Variants in HSPA12A observed in about 807,000 individuals in gnomAD.
The protein encoded by HSPA12A is heat shock 70 kDa protein 12A.
Under a neutral mutation model 69.2 loss-of-function variants are expected in HSPA12A, and 28 were observed. That is an observed-to-expected ratio of 0.40 (90% CI 0.30 to 0.55). HSPA12A has a LOEUF of 0.55. Among genes scored for constraint, HSPA12A ranks in the 20% least tolerant of loss-of-function variants. The pLI is 0.38. For missense variants in HSPA12A, 686 were observed against 900.7 expected, an observed-to-expected ratio of 0.76 and a Z score of 3.05; for synonymous variants, 345 against 370.5, an observed-to-expected ratio of 0.93 and a Z score of 0.79.
intron 5 of HSPA12A, among the ~76,000 whole-genome samples, chr10:116,694,031 T>C (rs1564781737): frequency 1.3e-5 from 2 of 152,182 alleles, no homozygotes; most frequent in Non-Finnish European, 2.9e-5. Context: ...TGGCACCCAT[T>C]ACCAGGCAGG....
At chr10:116,834,612 C>T (rs7919855) in intron 2 of HSPA12A, among the ~76,000 whole-genome samples, 9,834 of 152,208 alleles carry the variant, frequency 0.065, 1,052 homozygotes, top group African/African-American at 0.22. Context: ...TAAGACAGCA[C>T]GAGGCCGGTA....
intron 2 of HSPA12A, among the ~76,000 whole-genome samples, chr10:116,757,043 G>C (rs1206320045): frequency 1.3e-5 from 2 of 152,120 alleles, no homozygotes; most frequent in Non-Finnish European, 2.9e-5. Flanking sequence ...CACGTTAAAG[G>C]CTAGGAAATG....
intron 1 of HSPA12A, among the ~76,000 whole-genome samples, chr10:116,741,586 G>A (rs1285400164): frequency 6.6e-6 from 1 of 152,194 alleles, no homozygotes; most frequent in Non-Finnish European, 1.5e-5. Context: ...CTGGCCAGCC[G>A]GGCCCTCCGT....
chr10:116,745,908 T>C (rs1554887771), upstream of HSPA12A, among the ~76,000 whole-genome samples: 1 of 152,138 alleles, frequency 6.6e-6, no homozygotes, highest in Non-Finnish European at 1.5e-5. Flanking sequence ...GAAAGGTCAC[T>C]GAGCTCAGAA....
At chr10:116,821,439 C>G (rs1845407506) in intron 2 of HSPA12A, among the ~76,000 whole-genome samples, 1 of 152,184 alleles carries the variant, frequency 6.6e-6, no homozygotes, top group African/African-American at 2.4e-5. Flanking sequence ...TCTCAGGAGG[C>G]CTCCCCAGAA....
chr10:116,671,547 T>G lies in HSPA12A; in HGVS notation c.*3234A>C, dbSNP rs1269135327. ...TGCGATTCTTTGCTACCCTGGCAAT[T>G]AACCAGACCTGGACTCTAAAAGCTA... On this transcript the variant is annotated 3_prime_UTR_variant, in exon 12 of 12. Coordinates refer to ENST00000369209, the MANE Select transcript of HSPA12A (RefSeq NM_025015.3). The G allele has an allele frequency of 2.0e-5, 3 of 152,574 alleles. No homozygotes were observed. The highest frequency in any genetic ancestry group is 7.2e-5 in the African/African-American group (3 of 41,438). The allele number at this position is 152,574 out of a possible 1,614,324, so 9.5% of individuals were successfully genotyped here.
At chr10:116,832,933 T>G (rs1162066923) in intron 2 of HSPA12A, 1 of 152,138 alleles carries the variant, frequency 6.6e-6, no homozygotes, top group Admixed American at 6.5e-5. Context: ...CACTGTTCCA[T>G]ATTAGAGAAA....
At chr10:116,811,706 G>A (rs1010158954) in intron 2 of HSPA12A, among the ~76,000 whole-genome samples, 2 of 152,152 alleles carry the variant, frequency 1.3e-5, no homozygotes, top group African/African-American at 2.4e-5. Context: ...GAAGGTGAGT[G>A]CTGGAATCAA....
intron 2 of HSPA12A, among the ~76,000 whole-genome samples, chr10:116,787,885 TAAATCCCC>T (rs1844611894): frequency 6.6e-6 from 1 of 152,094 alleles, no homozygotes; most frequent in Non-Finnish European, 1.5e-5. Context: ...GGGGGCACCC[TAAATCCCC>T]TGGAATCAGG....
At chr10:116,835,102 G>A in intron 1 of HSPA12A, 1 of 910,000 alleles carries the variant, frequency 1.1e-6, no homozygotes, top group Non-Finnish European at 1.4e-6. Context: ...TACTCGTGCT[G>A]GTTGACGGTT....
intron 1 of HSPA12A, among the ~76,000 whole-genome samples, chr10:116,836,478 T>C (rs889166379): frequency 2.0e-5 from 3 of 152,212 alleles, no homozygotes; most frequent in Non-Finnish European, 4.4e-5. Flanking sequence ...ATCGCTTTGG[T>C]TCCTTTCTGG....
chr10:116,755,386 C>T (rs1383331665), intron 2 of HSPA12A, among the ~76,000 whole-genome samples: 3 of 151,848 alleles, frequency 2.0e-5, no homozygotes, highest in African/African-American at 7.3e-5. Flanking sequence ...CTGAGATGAG[C>T]AGATCACTTG....
chr10:116,797,735 G>T (rs576176353), intron 2 of HSPA12A, among the ~76,000 whole-genome samples: 41 of 152,336 alleles, frequency 2.7e-4, no homozygotes, highest in Admixed American at 8.5e-4. Flanking sequence ...GTCAACTGCT[G>T]AGAGCTGTGT....
At chr10:116,819,757 A>C (rs1845376958) in intron 2 of HSPA12A, among the ~76,000 whole-genome samples, 2 of 152,210 alleles carry the variant, frequency 1.3e-5, no homozygotes, top group South Asian at 4.1e-4. Flanking sequence ...TTACTGTAGG[A>C]TATGTATAAT....
At chr10:116,707,801 C>T (rs782506066) in intron 1 of HSPA12A, among the ~76,000 whole-genome samples, 2 of 152,206 alleles carry the variant, frequency 1.3e-5, no homozygotes, top group Non-Finnish European at 2.9e-5. Context: ...TCAGAAAGAG[C>T]GTCCTTGCCT....
At chr10:116,847,915 GAA>G (rs1845922944) in intron 1 of HSPA12A, among the ~76,000 whole-genome samples, 2 of 152,298 alleles carry the variant, frequency 1.3e-5, no homozygotes, top group Non-Finnish European at 2.9e-5. Context: ...TGCAAATGGG[GAA>G]AGAGTTCAGA....
intron 2 of HSPA12A, among the ~76,000 whole-genome samples, chr10:116,777,199 TC>T (rs1327660872): frequency 6.6e-6 from 1 of 152,010 alleles, no homozygotes; most frequent in Non-Finnish European, 1.5e-5. Flanking sequence ...CACTGGGTGG[TC>T]CCCCCACATC....
rs782721862 is a variant in HSPA12A, at chr10:116,681,204, G to A, written c.975C>T (p.Val325=). 1.4e-5 allele frequency: 22 copies of A among 1,614,144 alleles called. No homozygotes were observed. In the East Asian group the frequency reaches 1.8e-4, roughly 13 times the overall value. ...GTCCCTCCGGTAACCGGATCTGATG[G>A]ACTGTCAGGTCTACGGTGCCACCGC... The part of the protein sequence containing the change: ...DSGGGTVDLT[V]HQIRLPEGHL... The change falls in exon 9 of 12, where the codon GTC becomes GTT. Residue 325 remains valine, a synonymous_variant. Coordinates refer to ENST00000369209, the MANE Select transcript of HSPA12A (RefSeq NM_025015.3).
At chr10:116,783,918 G>A (rs527830227) in intron 2 of HSPA12A, among the ~76,000 whole-genome samples, 16 of 152,150 alleles carry the variant, frequency 1.1e-4, no homozygotes, top group African/African-American at 3.9e-4. Context: ...TGGCCAGTAC[G>A]GTCTTGAACT....
Sources: gnomAD v4.1 joint callset for allele counts (sites outside exome capture counted in the v4.1 genomes callset) on GRCh38, gnomAD v4.1.1 for gene constraint, MANE v1.5 for transcripts, NCBI Gene and HGNC (gene_info 2026-07-23, HGNC 2026-07-21) for gene names.